Variants in JAZF1 observed in about 807,000 individuals in gnomAD.
JAZF1 encodes JAZF zinc finger 1, also known as juxtaposed with another zinc finger protein 1.
Under a neutral mutation model 26.4 loss-of-function variants are expected in JAZF1, and 8 were observed. The ratio of observed to expected loss-of-function variants is 0.30; its 90% CI spans 0.18 to 0.55. The LOEUF is 0.55. Ranked by LOEUF, JAZF1 falls within the 20% of genes least tolerant of loss-of-function variation. The pLI, the probability that JAZF1 is intolerant of heterozygous loss-of-function variation, is 0.94. For synonymous variants in JAZF1, 126 were observed against 122.3 expected (o/e 1.03, Z -0.20); for missense variants, 199 against 322.0 (o/e 0.62, Z 2.92).
rs142031189 is a variant in JAZF1 at position 28,161,173 on chromosome 7, T to C, written c.115+19290A>G. ...AAACAATAATAATATGTAGCACAAT[T>C]CAGGCATTCAACAAATATTAGCCAT... On this transcript the variant is annotated intron_variant, in intron 1 of 4. Coordinates refer to ENST00000283928, the MANE Select transcript of JAZF1 (RefSeq NM_175061.4). Among the ~76,000 whole-genome samples, 1,003 of 150,980 alleles carry C rather than the reference T, an allele frequency of 6.6e-3. 18 individuals carry two copies. The highest frequency in any genetic ancestry group is 0.023 in the African/African-American group (964 of 41,022).
At chr7:28,115,709 T>C (rs1583568577) in intron 1 of JAZF1, among the ~76,000 whole-genome samples, 1 of 152,288 alleles carries the variant, frequency 6.6e-6, no homozygotes, top group Admixed American at 6.5e-5. Context: ...ATGAAGAGTA[T>C]TGCCCCCTGC....
At chr7:28,015,122 A>C (rs1031209181) in intron 1 of JAZF1, among the ~76,000 whole-genome samples, 1 of 151,828 alleles carries the variant, frequency 6.6e-6, no homozygotes, top group Non-Finnish European at 1.5e-5. Context: ...AAAAATTCTG[A>C]CGCAGCTCAA....
intron 1 of JAZF1, among the ~76,000 whole-genome samples, chr7:28,051,087 G>A (rs1218808768): frequency 4.4e-5 from 6 of 135,090 alleles, no homozygotes; most frequent in Admixed American, 8.8e-5. Flanking sequence ...AGCCAAGATC[G>A]CACCATTGCA....
At chr7:27,847,342 T>C (rs910414918) in intron 3 of JAZF1, among the ~76,000 whole-genome samples, 14 of 152,000 alleles carry the variant, frequency 9.2e-5, no homozygotes, top group African/African-American at 3.4e-4. Context: ...TCAGGTGTGA[T>C]ATCCAAAAAA....
chr7:28,179,839 G>A (rs920508406), intron 1 of JAZF1, among the ~76,000 whole-genome samples: 2 of 139,346 alleles, frequency 1.4e-5, no homozygotes, highest in African/African-American at 5.1e-5. Flanking sequence ...CCTAGCAACC[G>A]GCGCTGACAG....
intron 1 of JAZF1, among the ~76,000 whole-genome samples, chr7:28,109,088 A>G (rs1784599402): frequency 6.6e-6 from 1 of 152,202 alleles, no homozygotes; most frequent in African/African-American, 2.4e-5. Context: ...GCCATTAGCT[A>G]AAGGATATAA....
intron 1 of JAZF1, among the ~76,000 whole-genome samples, chr7:28,094,208 T>G (rs1784346007): frequency 6.6e-6 from 1 of 152,212 alleles, no homozygotes; most frequent in South Asian, 2.1e-4. Flanking sequence ...ACATTTGTAT[T>G]TCTTTTTCGG....
chr7:27,895,246 G>C lies in JAZF1; in HGVS notation c.359C>G (p.Ser120Cys). ...PPVTPPITPS[S>C]SFRSSTPTGS... ...TGTCGGAGTGCTGCTGCGGAATGAAGAGGAGGGGGTGATGGGTGGGGTCAC... is the reference window on the plus strand; with the variant it reads ...TGTCGGAGTGCTGCTGCGGAATGAACAGGAGGGGGTGATGGGTGGGGTCAC... Residue 120 changes from serine to cysteine, a missense_variant, in exon 3 of 5, where the codon TCT (serine) becomes TGT (cysteine). This residue lies in a region of JAZF1 where 137 missense variants were observed against 184.8 expected (regional missense o/e 0.74). Transcript: ENST00000283928. The C allele has an allele frequency of 6.2e-7, 1 of 1,606,930 alleles. No individual in the cohort carries two copies. Among genetic ancestry groups the C allele is most frequent in the South Asian group, 1.1e-5 (1 of 89,806 alleles).
chr7:27,865,943 A>AG (rs776411331), intron 3 of JAZF1, among the ~76,000 whole-genome samples: 2 of 152,152 alleles, frequency 1.3e-5, no homozygotes, highest in Non-Finnish European at 2.9e-5. Flanking sequence ...ACTTTGTTCT[A>AG]GGGAACAGCC....
intron 1 of JAZF1, among the ~76,000 whole-genome samples, chr7:28,174,171 C>T (rs1353979789): frequency 6.6e-6 from 1 of 152,196 alleles, no homozygotes; most frequent in Non-Finnish European, 1.5e-5. Flanking sequence ...TTTCTTTGTA[C>T]ACAGGACACG....
chr7:28,041,072 C>A lies in JAZF1; in HGVS notation c.116-49091G>T, dbSNP rs116638992. Reference sequence around the variant, plus strand: ...TCAGAAATGCATATAAATGGGTGCCCTAGATATATGTGGCAAAATTTTTTA... The same window carrying A: ...TCAGAAATGCATATAAATGGGTGCCATAGATATATGTGGCAAAATTTTTTA... On this transcript the variant is annotated intron_variant, in intron 1 of 4. Transcript: ENST00000283928. Among the ~76,000 whole-genome samples the A allele has an allele frequency of 5.9e-3, 892 of 152,090 alleles. 5 individuals carry two copies. Among genetic ancestry groups the A allele is most frequent in the African/African-American group, 0.021 (863 of 41,466 alleles).
intron 2 of JAZF1, among the ~76,000 whole-genome samples, chr7:27,969,924 C>T (rs908158994): frequency 1.3e-5 from 2 of 152,180 alleles, no homozygotes; most frequent in African/African-American, 4.8e-5. Context: ...ATGATAAAAA[C>T]AGGGATGTAC....
rs116527346 is a variant in JAZF1, at chr7:27,976,518, T to C, written c.188+15391A>G. Among the ~76,000 whole-genome samples the C allele has an allele frequency of 5.2e-3, 795 of 152,200 alleles. 10 individuals carry two copies. Among genetic ancestry groups the C allele is most frequent in the African/African-American group, 0.018 (767 of 41,514 alleles). The stretch of plus-strand genomic sequence containing the variant: ...AAAACGGTAGCACGATGCCTGGTGA[T>C]TGAGACCTAAGAGCATGCAACATGT... On this transcript the variant is annotated intron_variant, in intron 2 of 4. Coordinates refer to ENST00000283928, the MANE Select transcript of JAZF1 (RefSeq NM_175061.4).
At chr7:27,935,967 G>A (rs1329744580) in intron 2 of JAZF1, among the ~76,000 whole-genome samples, 1 of 152,206 alleles carries the variant, frequency 6.6e-6, no homozygotes, top group African/African-American at 2.4e-5. Flanking sequence ...GAGTGCCCCA[G>A]TGAAGAGGGT....
chr7:28,178,817 G>C (rs937542314), intron 1 of JAZF1, among the ~76,000 whole-genome samples: 3 of 152,226 alleles, frequency 2.0e-5, no homozygotes, highest in African/African-American at 7.2e-5. Context: ...AATGGAAGAA[G>C]CTATTACAAG....
chr7:28,059,297 G>C (rs1420380047), intron 1 of JAZF1, among the ~76,000 whole-genome samples: 1 of 152,102 alleles, frequency 6.6e-6, no homozygotes, highest in African/African-American at 2.4e-5. Flanking sequence ...GCAGCACACT[G>C]CCAACATTTT....
chr7:28,066,657 C>T (rs1783888508), intron 1 of JAZF1, among the ~76,000 whole-genome samples: 1 of 147,164 alleles, frequency 6.8e-6, no homozygotes, highest in Admixed American at 6.7e-5. Context: ...AAGGTGGGAA[C>T]CATCAAACCA....
At chr7:28,153,918 C>T (rs1783144368) in intron 1 of JAZF1, among the ~76,000 whole-genome samples, 1 of 152,052 alleles carries the variant, frequency 6.6e-6, no homozygotes, top group Admixed American at 6.6e-5. Flanking sequence ...CACCTACCTG[C>T]CCCTCTACCC....
chr7:28,008,732 CT>C (rs1782746065), intron 1 of JAZF1, among the ~76,000 whole-genome samples: 1 of 152,212 alleles, frequency 6.6e-6, no homozygotes, highest in Non-Finnish European at 1.5e-5. Context: ...TGATTTTTCT[CT>C]TGCAAGAGTA....
Sources: gnomAD v4.1 joint callset for allele counts (sites outside exome capture counted in the v4.1 genomes callset) on GRCh38, gnomAD v4.1.1 for gene constraint, gnomAD v4.1.1 regional missense constraint, MANE v1.5 for transcripts, NCBI Gene and HGNC (gene_info 2026-07-23, HGNC 2026-07-21) for gene names.